Variants in TBL1XR1 observed in about 807,000 individuals in gnomAD.
The protein encoded by TBL1XR1 is TBL1X/Y related 1, also known as F-box-like/WD repeat-containing protein TBL1XR1.
In TBL1XR1, 5 loss-of-function variants were observed where a neutral mutation model predicts 66.9. That is an observed-to-expected ratio of 0.07 (90% CI 0.04 to 0.16). The LOEUF (loss-of-function observed/expected upper bound fraction) is 0.16. Among genes scored for constraint, TBL1XR1 ranks in the 10% least tolerant of loss-of-function variants. The pLI is 1.00. For synonymous variants in TBL1XR1, 210 were observed against 206.0 expected (o/e 1.02, Z -0.17); for missense variants, 238 against 623.2 (o/e 0.38, Z 6.58).
At chr3:177,166,129 G>A (rs1197817199) in intron 1 of TBL1XR1, among the ~76,000 whole-genome samples, 1 of 152,104 alleles carries the variant, frequency 6.6e-6, no homozygotes, top group Non-Finnish European at 1.5e-5. Context: ...GGTCACACCT[G>A]TAATCCCAGC....
intron 2 of TBL1XR1, among the ~76,000 whole-genome samples, chr3:177,098,193 C>T (rs1723736592): frequency 6.6e-6 from 1 of 150,386 alleles, no homozygotes; most frequent in Non-Finnish European, 1.5e-5. Context: ...GCCTGGCCAA[C>T]AAGAACGAAA....
rs938824463 is a variant in TBL1XR1, at chr3:177,022,424, G to A, written c.*3074C>T. 6 of 152,364 alleles carry A rather than the reference G, an allele frequency of 3.9e-5. No individual in the cohort carries two copies. Among genetic ancestry groups the A allele is most frequent in the Admixed American group, 3.3e-4 (5 of 15,258 alleles). 9.4% of individuals were successfully genotyped at this position (152,364 alleles called of 1,614,324 possible). ...ATTTGAAAGTCAATGATGTTATCTG[G>A]TCAATGGCAGGAAATGGGAACTGGA... On this transcript the variant is annotated 3_prime_UTR_variant, in exon 16 of 16. Coordinates refer to ENST00000457928, the MANE Select transcript of TBL1XR1 (RefSeq NM_024665.7).
chr3:177,031,235 AG>A (rs1713954405), intron 14 of TBL1XR1, among the ~76,000 whole-genome samples: 1 of 152,240 alleles, frequency 6.6e-6, no homozygotes, highest in Non-Finnish European at 1.5e-5. Flanking sequence ...TCATAGTTAC[AG>A]AATATATCCA....
At chr3:177,147,839 G>C (rs1034597592) in intron 1 of TBL1XR1, among the ~76,000 whole-genome samples, 2 of 152,188 alleles carry the variant, frequency 1.3e-5, no homozygotes, top group African/African-American at 2.4e-5. Context: ...CCTGTAGGGA[G>C]AAGCCAGTAA....
chr3:177,105,916 C>T (rs1451338436), intron 1 of TBL1XR1, among the ~76,000 whole-genome samples: 2 of 152,020 alleles, frequency 1.3e-5, no homozygotes, highest in African/African-American at 4.8e-5. Context: ...GCAGGAGAGT[C>T]GCTTCTTTCA....
At chr3:177,093,886 G>A (rs1211959192) in intron 2 of TBL1XR1, among the ~76,000 whole-genome samples, 1 of 152,054 alleles carries the variant, frequency 6.6e-6, no homozygotes, top group Middle Eastern at 3.2e-3. Context: ...GATAACATTG[G>A]GAAAACCCTT....
At chr3:177,059,266 G>A (rs1718201396) in intron 3 of TBL1XR1, among the ~76,000 whole-genome samples, 1 of 152,126 alleles carries the variant, frequency 6.6e-6, no homozygotes, top group Admixed American at 6.5e-5. Flanking sequence ...AGGAAGGAAT[G>A]GCCCAGTTAC....
At chr3:177,125,670 G>A (rs1029998688) in intron 1 of TBL1XR1, among the ~76,000 whole-genome samples, 1 of 152,150 alleles carries the variant, frequency 6.6e-6, no homozygotes, top group East Asian at 1.9e-4. Flanking sequence ...AATTCTAGGA[G>A]GCAATAAAAC....
At chr3:177,178,261 T>G (rs946267710) in intron 1 of TBL1XR1, among the ~76,000 whole-genome samples, 1 of 152,114 alleles carries the variant, frequency 6.6e-6, no homozygotes, top group African/African-American at 2.4e-5. Flanking sequence ...ATACTGAGTG[T>G]GATCAAAAAC....
intron 1 of TBL1XR1, among the ~76,000 whole-genome samples, chr3:177,132,682 T>C (rs1353669813): frequency 6.6e-6 from 1 of 151,960 alleles, no homozygotes; most frequent in East Asian, 1.9e-4. Flanking sequence ...TGAAATGAGG[T>C]ACAAATGACA....
Position 177,047,544 on chromosome 3 carries a change from T to C in TBL1XR1, c.708A>G (p.Glu236=). 1.2e-6 allele frequency: 2 copies of C among 1,612,680 alleles called. No homozygotes were observed. Among genetic ancestry groups the C allele is most frequent in the East Asian group, 4.5e-5 (2 of 44,832 alleles). ...AGGAACCAGTTGCTAGAAGTGTACC[T>C]TCACTCTGCCAGAGAAAAACATTTC... ...KDVTSLDWNS[E]GTLLATGSYD... Residue 236 remains glutamate, a synonymous_variant, in exon 8 of 16, where the codon GAA becomes GAG. Transcript: ENST00000457928.
At chr3:177,200,349 G>A (rs953914055), upstream of TBL1XR1, among the ~76,000 whole-genome samples, 5 of 152,272 alleles carry the variant, frequency 3.3e-5, no homozygotes, top group East Asian at 9.6e-4. Flanking sequence ...CCAGCAAAGG[G>A]GGTTTTAAAT....
intron 1 of TBL1XR1, among the ~76,000 whole-genome samples, chr3:177,161,572 C>G (rs1560245600): frequency 1.3e-5 from 2 of 152,134 alleles, no homozygotes; most frequent in African/African-American, 4.8e-5. Flanking sequence ...CACCTGAGGT[C>G]AGGAGTTTGA....
intron 1 of TBL1XR1, among the ~76,000 whole-genome samples, chr3:177,174,925 G>T (rs1246209905): frequency 1.3e-5 from 2 of 152,114 alleles, no homozygotes; most frequent in Non-Finnish European, 2.9e-5. Flanking sequence ...GTCACTTTAT[G>T]ATATGAGCCC....
At chr3:177,194,785 C>T (rs1736620169) in intron 1 of TBL1XR1, among the ~76,000 whole-genome samples, 1 of 152,128 alleles carries the variant, frequency 6.6e-6, no homozygotes, top group Admixed American at 6.6e-5. Flanking sequence ...TCATGCAAAA[C>T]CTTTAATTAG....
chr3:177,029,414 G>T (rs1423054410), intron 14 of TBL1XR1, among the ~76,000 whole-genome samples: 1 of 152,150 alleles, frequency 6.6e-6, no homozygotes, highest in Non-Finnish European at 1.5e-5. Flanking sequence ...GAGCCTAGGG[G>T]GTTGAGGCCA....
At chr3:177,119,322 G>A (rs1449684384) in intron 1 of TBL1XR1, among the ~76,000 whole-genome samples, 1 of 152,150 alleles carries the variant, frequency 6.6e-6, no homozygotes, top group Non-Finnish European at 1.5e-5. Flanking sequence ...CACGGGTGAA[G>A]AATATTTACA....
chr3:177,117,082 A>T (rs1040135357), intron 1 of TBL1XR1, among the ~76,000 whole-genome samples: 1 of 152,200 alleles, frequency 6.6e-6, no homozygotes, highest in Non-Finnish European at 1.5e-5. Flanking sequence ...TAAATACTGA[A>T]TATAAATGAG....
chr3:177,154,554 G>A (rs1170974769), intron 1 of TBL1XR1, among the ~76,000 whole-genome samples: 1 of 152,010 alleles, frequency 6.6e-6, no homozygotes, highest in East Asian at 1.9e-4. Flanking sequence ...CCACCACCAT[G>A]CCCAGCTAAT....
Sources: gnomAD v4.1 joint callset for allele counts (sites outside exome capture counted in the v4.1 genomes callset) on GRCh38, gnomAD v4.1.1 for gene constraint, MANE v1.5 for transcripts, NCBI Gene and HGNC (gene_info 2026-07-23, HGNC 2026-07-21) for gene names.